Variants in ANXA13 observed in about 807,000 individuals in gnomAD.
ANXA13 encodes the protein annexin XIII.
ANXA13 carries 36 observed loss-of-function variants against 46.6 expected under a neutral mutation model. That is an observed-to-expected ratio of 0.77 (90% CI 0.59 to 1.02). The LOEUF (loss-of-function observed/expected upper bound fraction) is 1.02, where lower values mean the gene tolerates loss of function less well. Ranked by LOEUF, ANXA13 falls within the 50% of genes least tolerant of loss-of-function variation. The pLI is 0.00. For synonymous variants in ANXA13, 163 were observed against 152.9 expected, an observed-to-expected ratio of 1.07 and a Z score of -0.49; for missense variants, 417 against 396.5, an observed-to-expected ratio of 1.05 and a Z score of -0.44.
At chr8:123,701,786 T>C (rs113662426) in intron 3 of ANXA13, among the ~76,000 whole-genome samples, 6,018 of 151,934 alleles carry the variant, frequency 0.04, 142 homozygotes, top group Middle Eastern at 0.092. Context: ...TTTTGTAAAA[T>C]GGAAACAATC....
Position 123,681,630 on chromosome 8 carries a change from T to C in ANXA13, c.832-271A>G, listed in dbSNP as rs574309507. 1.3e-4 allele frequency among the ~76,000 whole-genome samples: 19 copies of C among 150,138 alleles called. No homozygotes were observed. The East Asian group carries it at 3.1e-3, about 25-fold the overall frequency. On this transcript the variant is annotated intron_variant, in intron 10 of 10. Transcript: ENST00000419625. ...AAACTCTTGAATTTCTTTTTTTTTT[T>C]TTTTTTTTTTGAGACAGAGCTTTGC...
chr8:123,688,284 G>C (rs144107485), intron 9 of ANXA13, among the ~76,000 whole-genome samples: 1 of 152,110 alleles, frequency 6.6e-6, no homozygotes. Context: ...TTCCTCTTTC[G>C]CTTGGGTCTT....
chr8:123,719,920 T>A (rs1044835254), intron 1 of ANXA13, among the ~76,000 whole-genome samples: 2 of 152,140 alleles, frequency 1.3e-5, no homozygotes, highest in African/African-American at 4.8e-5. Context: ...GCGGTGTAGA[T>A]GCATTCGTGT....
At chr8:123,715,501 T>C (rs1333706954) in intron 1 of ANXA13, among the ~76,000 whole-genome samples, 1 of 152,238 alleles carries the variant, frequency 6.6e-6, no homozygotes, top group African/African-American at 2.4e-5. Flanking sequence ...CCTGTTAGCC[T>C]CATCAGTGCA....
intron 9 of ANXA13, 66 bp downstream of exon 9, chr8:123,688,802 CAAA>C: frequency 2.1e-5 from 30 of 1,421,228 alleles, no homozygotes; most frequent in African/African-American, 2.8e-5. Flanking sequence ...TTCCTACACA[CAAA>C]CCTCTGTCTG....
At chr8:123,710,219 A>C (rs372026334) in intron 2 of ANXA13, among the ~76,000 whole-genome samples, 1 of 152,378 alleles carries the variant, frequency 6.6e-6, no homozygotes. Context: ...CTATGTAAAA[A>C]ACCTATCACT....
Position 123,717,414 on chromosome 8 carries a change from C to T in ANXA13, c.16-4661G>A, listed in dbSNP as rs944382755. On this transcript the variant is annotated intron_variant, in intron 1 of 10. Transcript: ENST00000419625. ...GATATCCAAGCAGATTTCAATTCTA[C>T]ATATTTAGATTTAACAGGTTTGGAA... is the stretch of plus-strand genomic sequence containing the variant. Among the ~76,000 whole-genome samples the T allele has an allele frequency of 2.6e-5, 4 of 152,244 alleles. No homozygotes were observed. In the East Asian group the frequency reaches 7.7e-4, roughly 29 times the overall value.
intron 1 of ANXA13, among the ~76,000 whole-genome samples, chr8:123,713,616 T>C (rs1004067510): frequency 5.9e-5 from 9 of 152,146 alleles, no homozygotes; most frequent in Non-Finnish European, 1.3e-4. Context: ...GTTATGCAGC[T>C]GGTAGCTAGG....
intron 2 of ANXA13, among the ~76,000 whole-genome samples, chr8:123,704,512 T>C (rs1813505858): frequency 6.6e-6 from 1 of 152,014 alleles, no homozygotes; most frequent in South Asian, 2.1e-4. Flanking sequence ...TTCTCCTGCC[T>C]CAGCCTCCCG....
intron 1 of ANXA13, among the ~76,000 whole-genome samples, chr8:123,716,126 C>G (rs1156337690): frequency 2.6e-5 from 4 of 152,162 alleles, no homozygotes; most frequent in Non-Finnish European, 4.4e-5. Context: ...CACTCTGTTG[C>G]CCAAGGTAGA....
intron 10 of ANXA13, among the ~76,000 whole-genome samples, chr8:123,684,363 G>A (rs910004259): frequency 2.0e-5 from 3 of 152,080 alleles, no homozygotes; most frequent in South Asian, 2.1e-4. Context: ...TTGCCTCTGC[G>A]CCCCTCCACT....
intron 1 of ANXA13, among the ~76,000 whole-genome samples, chr8:123,724,249 G>A (rs1813940062): frequency 6.6e-6 from 1 of 152,182 alleles, no homozygotes; most frequent in South Asian, 2.1e-4. Flanking sequence ...GCTAAATAGA[G>A]TTTGGGGCTC....
At chr8:123,695,823 C>T in intron 4 of ANXA13, 102 bp from the exon 5 acceptor site, 2 of 996,406 alleles carry the variant, frequency 2.0e-6, no homozygotes, top group Admixed American at 2.0e-5. Flanking sequence ...ACACAAAGTG[C>T]CTTCAAGACT....
At chr8:123,688,507 A>G (rs986411242) in intron 9 of ANXA13, among the ~76,000 whole-genome samples, 3 of 152,152 alleles carry the variant, frequency 2.0e-5, no homozygotes, top group Non-Finnish European at 4.4e-5. Context: ...TGCCCTATTC[A>G]GGATCGAGGC....
intron 2 of ANXA13, among the ~76,000 whole-genome samples, chr8:123,706,435 C>T (rs1243635793): frequency 1.3e-5 from 2 of 152,222 alleles, no homozygotes. Flanking sequence ...AGGAGACCCA[C>T]TCACTGTACT....
intron 1 of ANXA13, among the ~76,000 whole-genome samples, chr8:123,731,257 T>C (rs1814112103): frequency 6.6e-6 from 1 of 152,160 alleles, no homozygotes; most frequent in African/African-American, 2.4e-5. Flanking sequence ...CTAGAATACC[T>C]GACGTTAGAC....
intron 9 of ANXA13, among the ~76,000 whole-genome samples, chr8:123,685,790 G>A (rs1270175751): frequency 6.6e-6 from 1 of 152,198 alleles, no homozygotes; most frequent in Non-Finnish European, 1.5e-5. Flanking sequence ...AAGAAACAAT[G>A]TCTGGCCTCT....
At chr8:123,700,534 T>C (rs6470174) in intron 3 of ANXA13, among the ~76,000 whole-genome samples, 32,744 of 152,168 alleles carry the variant, frequency 0.22, 4,562 homozygotes, top group South Asian at 0.43. Flanking sequence ...GAAACACAGC[T>C]GAGAACCAGA....
intron 3 of ANXA13, among the ~76,000 whole-genome samples, chr8:123,700,439 G>A (rs1436721181): frequency 2.0e-5 from 3 of 152,202 alleles, no homozygotes; most frequent in African/African-American, 4.8e-5. Flanking sequence ...CAACTGACAC[G>A]GGGCTGAGAT....
Sources: gnomAD v4.1 joint callset for allele counts (sites outside exome capture counted in the v4.1 genomes callset) on GRCh38, gnomAD v4.1.1 for gene constraint, MANE v1.5 for transcripts, NCBI Gene and HGNC (gene_info 2026-07-23, HGNC 2026-07-21) for gene names.